XPO4: variants seen among roughly 807,000 people sequenced by gnomAD.
XPO4 encodes the protein exportin 4.
XPO4 carries 39 observed loss-of-function variants against 143.0 expected under a neutral mutation model. The ratio of observed to expected loss-of-function variants is 0.27; its 90% CI spans 0.21 to 0.36. The LOEUF is 0.36. XPO4 is among the 10% of genes least tolerant of loss of function. XPO4 has a pLI of 1.00. For missense variants in XPO4, 907 were observed against 1,348.0 expected (o/e 0.67, Z 5.12); for synonymous variants, 439 against 474.0 (o/e 0.93, Z 0.96).
chr13:20,836,150 C>T (rs1171230242), intron 6 of XPO4, among the ~76,000 whole-genome samples: 4 of 152,098 alleles, frequency 2.6e-5, no homozygotes, highest in African/African-American at 9.7e-5. Context: ...GTGTCTCTAA[C>T]CCTCACATTG....
intron 1 of XPO4, chr13:20,902,159 C>T (rs1408382667): frequency 1.0e-6 from 1 of 985,244 alleles, no homozygotes; most frequent in African/African-American, 1.7e-5. Flanking sequence ...CACGTGCTGC[C>T]GGCTGCAATT....
At chr13:20,823,904 G>A (rs753825955) in intron 7 of XPO4, among the ~76,000 whole-genome samples, 1 of 152,116 alleles carries the variant, frequency 6.6e-6, no homozygotes, top group Non-Finnish European at 1.5e-5. Flanking sequence ...CACCGGCCTT[G>A]GCCTCCCAAA....
intron 1 of XPO4, among the ~76,000 whole-genome samples, chr13:20,899,716 A>G (rs1290251815): frequency 6.6e-6 from 1 of 152,208 alleles, no homozygotes. Context: ...AAACAACTAT[A>G]TGAGTTACCT....
chr13:20,878,426 A>T (rs1019474084), intron 1 of XPO4, among the ~76,000 whole-genome samples: 2 of 151,390 alleles, frequency 1.3e-5, no homozygotes, highest in South Asian at 2.1e-4. Flanking sequence ...AAAAAAGAAG[A>T]AGTAACAATT....
chr13:20,837,874 A>G (rs1175842158), intron 6 of XPO4, among the ~76,000 whole-genome samples: 4 of 152,166 alleles, frequency 2.6e-5, no homozygotes, highest in African/African-American at 9.6e-5. Context: ...CCATGACTTT[A>G]TCTCCCACGG....
chr13:20,891,969 T>C (rs965320849), intron 1 of XPO4, among the ~76,000 whole-genome samples: 7 of 151,786 alleles, frequency 4.6e-5, no homozygotes, highest in Non-Finnish European at 8.8e-5. Context: ...ACAGACAGGA[T>C]GTTTCACACT....
intron 6 of XPO4, among the ~76,000 whole-genome samples, chr13:20,832,589 C>T (rs1595109324): frequency 6.6e-6 from 1 of 152,192 alleles, no homozygotes. Context: ...TTTTACCCTA[C>T]TTCATCAGTA....
chr13:20,865,111 T>A lies in XPO4; in HGVS notation c.176-2253A>T, dbSNP rs555779623. On this transcript the variant is annotated intron_variant, in intron 2 of 22. Coordinates refer to ENST00000255305, the MANE Select transcript of XPO4 (RefSeq NM_022459.5). ...CAAAGATGCCTGAAACTACAGGGTT[T>A]TCATGAAGAACTCACAATTCATCTA... Among the ~76,000 whole-genome samples the A allele has an allele frequency of 1.4e-3, 214 of 151,948 alleles. 1 individual carries two copies. The highest frequency in any genetic ancestry group is 5.1e-3 in the African/African-American group (212 of 41,484).
At chr13:20,786,438 T>G (rs2059207927) in intron 22 of XPO4, among the ~76,000 whole-genome samples, 1 of 151,976 alleles carries the variant, frequency 6.6e-6, no homozygotes, top group African/African-American at 2.4e-5. Context: ...AGGCACCTAT[T>G]CGATCAGAAG....
intron 4 of XPO4, among the ~76,000 whole-genome samples, chr13:20,854,583 G>A (rs1450475777): frequency 2.0e-5 from 3 of 152,208 alleles, no homozygotes; most frequent in African/African-American, 7.2e-5. Context: ...ACTTAAAGAT[G>A]TAATAATATC....
At chr13:20,812,763 A>T (rs1485186539) in intron 9 of XPO4, among the ~76,000 whole-genome samples, 2 of 152,232 alleles carry the variant, frequency 1.3e-5, no homozygotes, top group Non-Finnish European at 2.9e-5. Flanking sequence ...AGATGATACT[A>T]TTAAGAGAGA....
chr13:20,883,360 C>T (rs2060431435), intron 1 of XPO4, among the ~76,000 whole-genome samples: 1 of 152,142 alleles, frequency 6.6e-6, no homozygotes, highest in South Asian at 2.1e-4. Flanking sequence ...CCCAATGAAT[C>T]CCAAACTAAA....
intron 9 of XPO4, among the ~76,000 whole-genome samples, chr13:20,813,239 G>A (rs970408380): frequency 4.6e-5 from 7 of 152,096 alleles, no homozygotes; most frequent in African/African-American, 1.2e-4. Flanking sequence ...ATTACAATTC[G>A]ACATGTGATT....
chr13:20,815,681 T>C (rs1297303143), intron 9 of XPO4, among the ~76,000 whole-genome samples: 1 of 152,228 alleles, frequency 6.6e-6, no homozygotes, highest in African/African-American at 2.4e-5. Context: ...AATAACGTGT[T>C]AGATATGTGA....
chr13:20,867,973 G>A (rs924328841), intron 2 of XPO4, among the ~76,000 whole-genome samples: 6 of 152,114 alleles, frequency 3.9e-5, no homozygotes, highest in African/African-American at 1.4e-4. Context: ...CTTAGAAAAT[G>A]CCATCTTTGG....
intron 13 of XPO4, among the ~76,000 whole-genome samples, chr13:20,806,596 A>C (rs1422516491): frequency 8.9e-6 from 1 of 112,582 alleles, no homozygotes; most frequent in African/African-American, 3.5e-5. Flanking sequence ...CTCTGTCGCC[A>C]GGCTGGAGTG....
chr13:20,849,798 A>G (rs866105988), intron 4 of XPO4: 5 of 985,246 alleles, frequency 5.1e-6, no homozygotes, highest in Admixed American at 1.2e-4. Context: ...TTGGTTACCT[A>G]TATTTTTTAA....
chr13:20,898,597 T>C (rs530666881), intron 1 of XPO4, among the ~76,000 whole-genome samples: 1 of 152,134 alleles, frequency 6.6e-6, no homozygotes, highest in East Asian at 1.9e-4. Context: ...TGAAAATTAC[T>C]TTTCTATAAT....
At chr13:20,891,122 TAAAAAAAAAAAAAAA>T (rs57528913) in intron 1 of XPO4, among the ~76,000 whole-genome samples, 4 of 85,972 alleles carry the variant, frequency 4.7e-5, no homozygotes, top group Non-Finnish European at 8.2e-5. Flanking sequence ...CATCTCAATT[TAAAAAAAAAAAAAAA>T]AAAAAAAAAA....
Sources: allele counts gnomAD v4.1 joint callset (sites outside exome capture counted in the v4.1 genomes callset), GRCh38; gene constraint gnomAD v4.1.1; transcripts MANE v1.5; gene names NCBI Gene and HGNC (gene_info 2026-07-23, HGNC 2026-07-21).